The following DOCK5 variants were observed in gnomAD, a reference collection of about 807,000 sequenced individuals.
DOCK5 encodes dedicator of cytokinesis protein 5.
In DOCK5, 142 loss-of-function variants were observed where a neutral mutation model predicts 251.8. That is an observed-to-expected ratio of 0.56 (90% CI 0.49 to 0.65). The LOEUF is 0.65. DOCK5 is among the 30% of genes least tolerant of loss of function. The pLI, the probability that DOCK5 is intolerant of heterozygous loss-of-function variation, is 0.00. For missense variants in DOCK5, 2,111 were observed against 2,312.3 expected, an observed-to-expected ratio of 0.91 and a Z score of 1.79; for synonymous variants, 842 against 835.5, an observed-to-expected ratio of 1.01 and a Z score of -0.13.
intron 17 of DOCK5, among the ~76,000 whole-genome samples, chr8:25,324,806 G>A (rs141720765): frequency 0.1 from 3,959 of 39,484 alleles, 204 homozygotes; most frequent in African/African-American, 0.27. Flanking sequence ...CCCCGCCCCC[G>A]CCACAACAGG....
At chr8:25,312,696 G>A (rs2117185698) in intron 13 of DOCK5, among the ~76,000 whole-genome samples, 1 of 151,592 alleles carries the variant, frequency 6.6e-6, no homozygotes, top group Middle Eastern at 3.4e-3. Context: ...CCGGGAGGCG[G>A]TGGTTGCAGT....
At chr8:25,368,891 A>G (rs761555156) in intron 33 of DOCK5, among the ~76,000 whole-genome samples, 166 bp downstream of exon 33, 9 of 152,264 alleles carry the variant, frequency 5.9e-5, no homozygotes, top group Non-Finnish European at 1.2e-4. Flanking sequence ...AGAGTCAGAC[A>G]GTGCAACCCA....
chr8:25,373,352 G>A (rs879403782), intron 35 of DOCK5, among the ~76,000 whole-genome samples: 6 of 152,054 alleles, frequency 3.9e-5, no homozygotes, highest in South Asian at 2.1e-4. Context: ...CCCGTCACCC[G>A]AGCACTGTAC....
chr8:25,197,423 T>A (rs1048930366), intron 1 of DOCK5, among the ~76,000 whole-genome samples: 2 of 152,164 alleles, frequency 1.3e-5, no homozygotes, highest in African/African-American at 4.8e-5. Flanking sequence ...GCAAAGCCAC[T>A]GTTGTTCGAA....
chr8:25,349,561 G>A (rs1430010666), intron 26 of DOCK5, among the ~76,000 whole-genome samples: 7 of 152,162 alleles, frequency 4.6e-5, no homozygotes, highest in Non-Finnish European at 1.0e-4. Flanking sequence ...TGGTATATAT[G>A]CATCATGGAA....
At chr8:25,294,460 A>T (rs146951569) in intron 6 of DOCK5, among the ~76,000 whole-genome samples, 40 of 152,290 alleles carry the variant, frequency 2.6e-4, no homozygotes, top group African/African-American at 8.9e-4. Flanking sequence ...GGGTATTCGG[A>T]TAGCAGTATC....
At chr8:25,251,197 T>C (rs1803260520) in intron 2 of DOCK5, among the ~76,000 whole-genome samples, 1 of 152,220 alleles carries the variant, frequency 6.6e-6, no homozygotes, top group Non-Finnish European at 1.5e-5. Flanking sequence ...GCGGCTGGTA[T>C]GCTGGTGTTA....
chr8:25,360,305 G>T (rs1314060498), intron 28 of DOCK5, among the ~76,000 whole-genome samples: 1 of 152,194 alleles, frequency 6.6e-6, no homozygotes, highest in Non-Finnish European at 1.5e-5. Flanking sequence ...AGACTACGTG[G>T]CTTTAGCTGA....
intron 1 of DOCK5, among the ~76,000 whole-genome samples, chr8:25,198,571 CAAA>C (rs71214556): frequency 6.8e-6 from 1 of 147,148 alleles, no homozygotes; most frequent in Non-Finnish European, 1.5e-5. Context: ...GACTCCATCT[CAAA>C]AAAAAAAAAA....
At chr8:25,258,328 G>A (rs772038557) in intron 2 of DOCK5, among the ~76,000 whole-genome samples, 49 of 152,104 alleles carry the variant, frequency 3.2e-4, no homozygotes, top group Middle Eastern at 6.8e-3. Flanking sequence ...AACCTTCTTG[G>A]CATTCTTTGC....
At chr8:25,271,863 T>G (rs1448669021) in intron 3 of DOCK5, among the ~76,000 whole-genome samples, 1 of 152,206 alleles carries the variant, frequency 6.6e-6, no homozygotes, top group Non-Finnish European at 1.5e-5. Flanking sequence ...GGAGTCATTC[T>G]ATAAGCATCA....
intron 2 of DOCK5, among the ~76,000 whole-genome samples, chr8:25,267,814 C>T (rs1386142958): frequency 6.6e-6 from 1 of 151,938 alleles, no homozygotes; most frequent in Non-Finnish European, 1.5e-5. Context: ...TGTCTACTCT[C>T]CACAAGATAG....
intron 33 of DOCK5, among the ~76,000 whole-genome samples, chr8:25,369,202 T>C (rs1800831045): frequency 6.6e-6 from 1 of 152,244 alleles, no homozygotes; most frequent in African/African-American, 2.4e-5. Context: ...ATTTCGCATC[T>C]ATGAACCTCT....
intron 8 of DOCK5, among the ~76,000 whole-genome samples, 194 bp from the exon 9 acceptor site, chr8:25,300,382 C>G (rs1804730899): frequency 6.6e-6 from 1 of 152,194 alleles, no homozygotes; most frequent in African/African-American, 2.4e-5. Context: ...GGACGCTTCT[C>G]TAATGCCAGG....
chr8:25,405,394 T>A (rs1801505871), intron 48 of DOCK5, among the ~76,000 whole-genome samples: 1 of 152,096 alleles, frequency 6.6e-6, no homozygotes, highest in East Asian at 1.9e-4. Context: ...GGCTACTCAA[T>A]TCTTCTTATA....
At chr8:25,328,437 G>A (rs1442491789) in intron 18 of DOCK5, among the ~76,000 whole-genome samples, 1 of 152,096 alleles carries the variant, frequency 6.6e-6, no homozygotes, top group African/African-American at 2.4e-5. Flanking sequence ...ACAAATGATT[G>A]CAGATTATTC....
chr8:25,300,107 T>C (rs1804724282), intron 8 of DOCK5, among the ~76,000 whole-genome samples: 1 of 152,198 alleles, frequency 6.6e-6, no homozygotes, highest in African/African-American at 2.4e-5. Context: ...AGTTTTACCA[T>C]GTTGGCCAGC....
intron 44 of DOCK5, 35 bp from the exon 45 acceptor site, chr8:25,395,508 A>G (rs770645334): frequency 1.3e-6 from 2 of 1,585,278 alleles, no homozygotes; most frequent in African/African-American, 1.4e-5. Context: ...GGAGCTGACA[A>G]GTGTCCTCTT....
At chr8:25,218,227 G>A (rs1204121348) in intron 1 of DOCK5, among the ~76,000 whole-genome samples, 1 of 152,100 alleles carries the variant, frequency 6.6e-6, no homozygotes, top group Non-Finnish European at 1.5e-5. Context: ...TTTCAGAATG[G>A]TTATGACCTG....
Sources: gnomAD v4.1 joint callset for allele counts (sites outside exome capture counted in the v4.1 genomes callset) on GRCh38, gnomAD v4.1.1 for gene constraint, MANE v1.5 for transcripts, NCBI Gene and HGNC (gene_info 2026-07-23, HGNC 2026-07-21) for gene names.